The following DTD1 variants were observed in gnomAD, a reference collection of about 807,000 sequenced individuals.
The protein encoded by DTD1 is D-aminoacyl-tRNA deacylase 1.
In DTD1, 13 loss-of-function variants were observed where a neutral mutation model predicts 25.6. The observed-to-expected ratio is 0.51, with a 90% CI of 0.33 to 0.81. DTD1 has a LOEUF of 0.81. Among genes scored for constraint, DTD1 ranks in the 30% least tolerant of loss-of-function variants. The pLI is 0.02. For missense variants in DTD1, 193 were observed against 266.4 expected (o/e 0.72, Z 1.92); for synonymous variants, 110 against 103.6 (o/e 1.06, Z -0.37).
At chr20:18,719,710 A>G (rs2061195156) in intron 4 of DTD1, among the ~76,000 whole-genome samples, 2 of 152,236 alleles carry the variant, frequency 1.3e-5, no homozygotes, top group South Asian at 2.1e-4. Context: ...CCCACTGGGC[A>G]TGCCCCTCCT....
At chr20:18,683,954 C>A (rs1409870705) in intron 4 of DTD1, among the ~76,000 whole-genome samples, 5 of 152,128 alleles carry the variant, frequency 3.3e-5, no homozygotes, top group Non-Finnish European at 4.4e-5. Context: ...GATAGGTATC[C>A]TGGAGGGGAT....
intron 4 of DTD1, among the ~76,000 whole-genome samples, chr20:18,646,327 C>T (rs2060850304): frequency 6.6e-6 from 1 of 152,098 alleles, no homozygotes; most frequent in Non-Finnish European, 1.5e-5. Flanking sequence ...TGTGCACACA[C>T]CTTCCCATGG....
intron 5 of DTD1, among the ~76,000 whole-genome samples, chr20:18,747,187 G>A (rs1447598362): frequency 1.3e-5 from 2 of 152,190 alleles, no homozygotes; most frequent in African/African-American, 4.8e-5. Flanking sequence ...TACTTTTTCA[G>A]TTGTGCTAGT....
intron 4 of DTD1, chr20:18,631,402 C>T: frequency 2.0e-6 from 2 of 985,808 alleles, no homozygotes; most frequent in Non-Finnish European, 2.4e-6. Context: ...TGGAGCCCTT[C>T]CCTTCCACCT....
At chr20:18,751,675 G>A (rs1358484011) in intron 5 of DTD1, among the ~76,000 whole-genome samples, 2 of 151,948 alleles carry the variant, frequency 1.3e-5, no homozygotes, top group Admixed American at 6.6e-5. Flanking sequence ...TGTATTTTTT[G>A]TAGAGATAGG....
At chr20:18,697,952 A>G (rs553800729) in intron 4 of DTD1, among the ~76,000 whole-genome samples, 40 of 152,322 alleles carry the variant, frequency 2.6e-4, no homozygotes, top group African/African-American at 7.9e-4. Context: ...TATTTATTAA[A>G]TCAGTCTACC....
chr20:18,637,757 G>A (rs1376177775), intron 4 of DTD1, among the ~76,000 whole-genome samples: 1 of 152,130 alleles, frequency 6.6e-6, no homozygotes, highest in Non-Finnish European at 1.5e-5. Flanking sequence ...AATTGTTAAG[G>A]GCTCATATTT....
At chr20:18,711,771 C>T (rs913395780) in intron 4 of DTD1, among the ~76,000 whole-genome samples, 20 of 152,264 alleles carry the variant, frequency 1.3e-4, no homozygotes, top group East Asian at 5.8e-4. Context: ...TCAGGCCAGA[C>T]ACAGTGGCTC....
intron 4 of DTD1, among the ~76,000 whole-genome samples, chr20:18,710,054 G>T (rs988041162): frequency 6.6e-6 from 1 of 152,164 alleles, no homozygotes; most frequent in Admixed American, 6.5e-5. Flanking sequence ...GAATAGGGCA[G>T]CTTTATGATA....
chr20:18,762,385 T>TC (rs1168276603), intron 5 of DTD1, among the ~76,000 whole-genome samples: 1 of 152,210 alleles, frequency 6.6e-6, no homozygotes, highest in Non-Finnish European at 1.5e-5. Flanking sequence ...TGGTTTTTGT[T>TC]ATAGCCTCGG....
chr20:18,691,380 A>C (rs1220402739), intron 4 of DTD1, among the ~76,000 whole-genome samples: 1 of 152,268 alleles, frequency 6.6e-6, no homozygotes, highest in Non-Finnish European at 1.5e-5. Flanking sequence ...GCCCATCAGC[A>C]GTGGACACAT....
intron 3 of DTD1, 120 bp downstream of exon 3, chr20:18,596,361 A>C: frequency 1.3e-6 from 1 of 780,946 alleles, no homozygotes; most frequent in South Asian, 1.8e-5. Context: ...CTTGTTACTT[A>C]CTTAGAACCA....
rs562194489 is a variant in DTD1, at chr20:18,651,137, A to C, written c.477+22904A>C. On this transcript the variant is annotated intron_variant, in intron 4 of 5. Transcript: ENST00000377452. ...AAAAAAGCTGTTACAACAGCTGGTTAGTTTTTGTTTGTTTGTTTGGTTTGT... is the reference window on the plus strand; with the variant it reads ...AAAAAAGCTGTTACAACAGCTGGTTCGTTTTTGTTTGTTTGTTTGGTTTGT... Among the ~76,000 whole-genome samples, 3 of 152,240 alleles carry C rather than the reference A, an allele frequency of 2.0e-5. No individual in the cohort carries two copies. In the South Asian group the frequency reaches 6.2e-4, roughly 32 times the overall value.
intron 4 of DTD1, among the ~76,000 whole-genome samples, chr20:18,648,897 G>A (rs2060860806): frequency 6.7e-6 from 1 of 148,908 alleles, no homozygotes; most frequent in African/African-American, 2.5e-5. Flanking sequence ...TCGGGAGGCT[G>A]AGGCGGGAGA....
chr20:18,621,522 A>G (rs1476298849), intron 3 of DTD1, among the ~76,000 whole-genome samples: 2 of 152,214 alleles, frequency 1.3e-5, no homozygotes, highest in East Asian at 3.8e-4. Context: ...CTTTGCCTGT[A>G]ACAGTTATTA....
At chr20:18,635,761 G>A (rs918776444) in intron 4 of DTD1, among the ~76,000 whole-genome samples, 9 of 152,104 alleles carry the variant, frequency 5.9e-5, no homozygotes, top group Admixed American at 2.6e-4. Flanking sequence ...GCTCATAGTG[G>A]GCTTAAAAAG....
intron 4 of DTD1, among the ~76,000 whole-genome samples, chr20:18,640,718 T>A (rs1021178068): frequency 1.4e-4 from 21 of 150,488 alleles, no homozygotes; most frequent in African/African-American, 4.9e-4. Context: ...GCAACCTCCA[T>A]CTCCCAGATT....
At chr20:18,641,237 C>T (rs1390294640) in intron 4 of DTD1, among the ~76,000 whole-genome samples, 5 of 152,134 alleles carry the variant, frequency 3.3e-5, no homozygotes, top group Non-Finnish European at 5.9e-5. Context: ...TCTATCCATT[C>T]GTTTATCCAT....
intron 4 of DTD1, among the ~76,000 whole-genome samples, chr20:18,727,569 A>G (rs1459706162): frequency 1.3e-5 from 2 of 152,168 alleles, no homozygotes; most frequent in Non-Finnish European, 2.9e-5. Flanking sequence ...AGATATTCAC[A>G]TGCCACACAG....
Sources: gnomAD v4.1 joint callset for allele counts (sites outside exome capture counted in the v4.1 genomes callset) on GRCh38, gnomAD v4.1.1 for gene constraint, MANE v1.5 for transcripts, NCBI Gene and HGNC (gene_info 2026-07-23, HGNC 2026-07-21) for gene names.